Variants in NASP observed in about 807,000 individuals in gnomAD.
The protein encoded by NASP is nuclear autoantigenic sperm protein.
A neutral mutation model predicts 89.5 loss-of-function variants in NASP; 24 were observed. The ratio of observed to expected loss-of-function variants is 0.27; its 90% CI spans 0.19 to 0.38. The LOEUF (loss-of-function observed/expected upper bound fraction) is 0.38. Among genes scored for constraint, NASP ranks in the 10% least tolerant of loss-of-function variants. The pLI, the probability that NASP is intolerant of heterozygous loss-of-function variation, is 1.00. For missense variants in NASP, 848 were observed against 921.4 expected, an observed-to-expected ratio of 0.92 and a Z score of 1.03; for synonymous variants, 306 against 324.7, an observed-to-expected ratio of 0.94 and a Z score of 0.62.
chr1:45,611,936 C>CT (rs1644021162), intron 6 of NASP: 2 of 148,136 alleles, frequency 1.4e-5, no homozygotes, highest in African/African-American at 5.0e-5. Context: ...AATCCGCTCA[C>CT]TGCAAGCTCC....
At position 45,615,026 on chromosome 1, in the gene NASP, A is replaced by G. The variant is rs1464828423; in HGVS notation, c.1680A>G (p.Gln560=). The part of the protein sequence containing the change: ...EVSVESENYV[Q]AVEEFQSCLN... ...TCTCTTTGTTAGAAAACTATGTGCA[A>G]GCTGTGGAGGAGTTCCAGTCCTGCC... The change falls in exon 10 of 15, where the codon CAA becomes CAG. Residue 560 remains glutamine (Q), a synonymous_variant. Coordinates refer to ENST00000350030, the MANE Select transcript of NASP (RefSeq NM_002482.4). 3 of 1,609,570 alleles carry G rather than the reference A, an allele frequency of 1.9e-6. No individual in the cohort carries two copies. In the East Asian group the frequency reaches 6.7e-5, roughly 36 times the overall value.
intron 2 of NASP, chr1:45,594,657 C>T (rs751474149): frequency 4.0e-5 from 18 of 448,784 alleles, no homozygotes; most frequent in Admixed American, 9.5e-5. Context: ...CAGATGTGTG[C>T]CACTATGCCT....
chr1:45,618,343 TTCTGTACTGA>T lies in NASP; in HGVS notation c.*208_*217del, dbSNP rs1268253449. On this transcript the variant is annotated 3_prime_UTR_variant, in exon 15 of 15. Transcript: ENST00000350030. ...ATTAGCCAAAGGTTTTGTTCTGGCC[TTCTGTACTGA>T]TCTGTGTTCCTGATCCTAATTCCTA... is the stretch of plus-strand genomic sequence containing the variant. 5 of 491,626 alleles carry T rather than the reference TTCTGTACTGA, an allele frequency of 1.0e-5. No homozygotes were observed. The highest frequency in any genetic ancestry group is 2.2e-5 in the South Asian group (1 of 46,362). The allele number at this position is 491,626 out of a possible 1,614,324, so 30.5% of individuals were successfully genotyped here. A position where few individuals can be genotyped will look rare whatever the true frequency, so the allele number is the denominator to read the frequency against.
chr1:45,587,345 C>G (rs1206227522), intron 1 of NASP, among the ~76,000 whole-genome samples: 1 of 151,838 alleles, frequency 6.6e-6, no homozygotes, highest in Non-Finnish European at 1.5e-5. Flanking sequence ...TACCACCACA[C>G]CTGGCTAATT....
chr1:45,611,501 C>G (rs1267812027), intron 6 of NASP: 1 of 112,024 alleles, frequency 8.9e-6, no homozygotes, highest in Non-Finnish European at 1.6e-5. Flanking sequence ...GAGTCTTGCT[C>G]TGTCACCCAG....
In NASP at chr1:45,599,984, T is replaced by C. The variant is rs555017926; in HGVS notation, c.108-2271T>C. Among the ~76,000 whole-genome samples the C allele has an allele frequency of 1.8e-4, 27 of 145,956 alleles. No individual in the cohort carries two copies. The East Asian group carries it at 5.2e-3, about 28-fold the overall frequency. On this transcript the variant is annotated intron_variant, in intron 2 of 14. Coordinates refer to ENST00000350030, the MANE Select transcript of NASP (RefSeq NM_002482.4). ...TTTTTTTTTTTTTTTTTGGCTTGCC[T>C]TCTTAAGTTCTCTGCTTCAATTTGA...
intron 2 of NASP, among the ~76,000 whole-genome samples, chr1:45,600,726 T>C (rs1370957232): frequency 6.6e-6 from 1 of 152,210 alleles, no homozygotes; most frequent in Non-Finnish European, 1.5e-5. Flanking sequence ...CTAGATCATA[T>C]GGTAGGTATA....
intron 6 of NASP, 190 bp from the exon 7 acceptor site, chr1:45,612,979 A>C (rs1277767706): frequency 4.3e-6 from 3 of 691,984 alleles, no homozygotes; most frequent in Non-Finnish European, 6.3e-6. Context: ...AAGATTGCAC[A>C]TTCTTAGTCT....
At chr1:45,618,034 C>T (rs41310432) in intron 14 of NASP, 27 bp from the exon 15 acceptor site, 2 of 1,577,730 alleles carry the variant, frequency 1.3e-6, no homozygotes, top group Admixed American at 3.6e-5. Flanking sequence ...TAGGCTCACT[C>T]ATGCCCAGGT....
intron 2 of NASP, among the ~76,000 whole-genome samples, chr1:45,594,346 C>T (rs1643636181): frequency 6.6e-6 from 1 of 150,934 alleles, no homozygotes; most frequent in Admixed American, 6.6e-5. Flanking sequence ...CAAACAACAA[C>T]AAAATTTCTT....
chr1:45,597,165 G>C (rs567430861), intron 2 of NASP, among the ~76,000 whole-genome samples: 63 of 151,954 alleles, frequency 4.1e-4, no homozygotes, highest in Non-Finnish European at 8.7e-4. Flanking sequence ...AAATTAGCTG[G>C]GTGTGGTGGT....
chr1:45,593,061 G>T (rs1643591886), intron 2 of NASP, among the ~76,000 whole-genome samples: 1 of 152,090 alleles, frequency 6.6e-6, no homozygotes, highest in Non-Finnish European at 1.5e-5. Context: ...TCTGTTTTTA[G>T]TAATGGTTAT....
In NASP at chr1:45,618,558, T is replaced by G. The variant is rs1405935951; in HGVS notation, c.*417T>G. The G allele has an allele frequency of 6.0e-6, 1 of 167,884 alleles. No individual in the cohort carries two copies. Among genetic ancestry groups the G allele is most frequent in the African/African-American group, 2.4e-5 (1 of 41,840 alleles). 10.4% of individuals were successfully genotyped at this position (167,884 alleles called of 1,614,324 possible). On this transcript the variant is annotated 3_prime_UTR_variant, in exon 15 of 15. Transcript: ENST00000350030. ...AGATCTTGCTCTTCAGTGCTGAAAATGGATGATGGACTTTGGCTGTGAGCC... is the reference window on the plus strand; with the variant it reads ...AGATCTTGCTCTTCAGTGCTGAAAAGGGATGATGGACTTTGGCTGTGAGCC...
intron 13 of NASP, 53 bp downstream of exon 13, chr1:45,616,756 AATC>A: frequency 6.5e-7 from 1 of 1,529,560 alleles, no homozygotes; most frequent in Non-Finnish European, 9.1e-7. Context: ...CTCCATTTTT[AATC>A]CCTTTCCTAT....
chr1:45,608,004 G>A lies in NASP; in HGVS notation c.1093G>A (p.Glu365Lys). ...SAVEAGSEVS[E>K]KPGQEAPVLP... ...TGTAGAGGCTGGATCAGAAGTCTCTGAAAAGCCTGGGCAGGAGGCTCCAGT... is the reference window on the plus strand; with the variant it reads ...TGTAGAGGCTGGATCAGAAGTCTCTAAAAAGCCTGGGCAGGAGGCTCCAGT... The change falls in exon 6 of 15, where the codon GAA becomes AAA. Residue 365 changes from glutamate (E) to lysine (K), a missense_variant. Coordinates refer to ENST00000350030, the MANE Select transcript of NASP (RefSeq NM_002482.4). 1 of 1,614,064 alleles carries A rather than the reference G, an allele frequency of 6.2e-7. No homozygotes were observed. The highest frequency in any genetic ancestry group is 8.5e-7 in the Non-Finnish European group (1 of 1,179,944).
Position 45,584,201 on chromosome 1 carries a change from G to C in NASP, c.55G>C (p.Asp19His), listed in dbSNP as rs778267792. 1.3e-6 allele frequency: 2 copies of C among 1,588,794 alleles called. No homozygotes were observed. Among genetic ancestry groups the C allele is most frequent in the South Asian group, 1.1e-5 (1 of 87,230 alleles). The part of the protein sequence containing the change: ...AAVAAELVSA[D>H]KIEDVPAPST... Reference sequence around the variant, plus strand: ...CGTCGCCGCGGAGCTGGTTTCTGCCGACAAGTAAGCGGGACTGTGGAAAGC... The same window carrying C: ...CGTCGCCGCGGAGCTGGTTTCTGCCCACAAGTAAGCGGGACTGTGGAAAGC... The change falls in exon 1 of 15, where the codon GAC becomes CAC. Residue 19 changes from aspartate to histidine, a missense_variant. By Grantham distance (81) the Asp-to-His change is moderately conservative. Coordinates refer to ENST00000350030, the MANE Select transcript of NASP (RefSeq NM_002482.4).
At chr1:45,597,753 C>T (rs1481317209) in intron 2 of NASP, among the ~76,000 whole-genome samples, 1 of 152,154 alleles carries the variant, frequency 6.6e-6, no homozygotes, top group Non-Finnish European at 1.5e-5. Context: ...TTTCTTTGCT[C>T]TTACATAACA....
At chr1:45,601,745 A>ATTT (rs71056316) in intron 2 of NASP, among the ~76,000 whole-genome samples, 1,398 of 68,924 alleles carry the variant, frequency 0.02, 356 homozygotes, top group African/African-American at 0.054. Flanking sequence ...CGTTAAGAGA[A>ATTT]TTTTTTTTTT....
At chr1:45,614,440 A>T in intron 9 of NASP, 74 bp downstream of exon 9, 1 of 1,189,284 alleles carries the variant, frequency 8.4e-7, no homozygotes, top group Non-Finnish European at 1.3e-6. Flanking sequence ...ATTCTCTGGA[A>T]CCGAACTTGA....
Sources: gnomAD v4.1 joint callset for allele counts (sites outside exome capture counted in the v4.1 genomes callset) on GRCh38, gnomAD v4.1.1 for gene constraint, MANE v1.5 for transcripts, NCBI Gene and HGNC (gene_info 2026-07-23, HGNC 2026-07-21) for gene names.